The following PRKACB variants were observed in gnomAD, a reference collection of about 807,000 sequenced individuals.
PRKACB encodes protein kinase cAMP-activated catalytic subunit beta.
A neutral mutation model predicts 51.4 loss-of-function variants in PRKACB; 16 were observed. That is an observed-to-expected ratio of 0.31 (90% CI 0.21 to 0.47). PRKACB has a LOEUF of 0.47. PRKACB is among the 20% of genes least tolerant of loss of function. PRKACB has a pLI of 1.00. For synonymous variants in PRKACB, 147 were observed against 154.4 expected (o/e 0.95, Z 0.35); for missense variants, 309 against 464.5 (o/e 0.67, Z 3.08).
chr1:84,148,131 T>A (rs1294371975), intron 1 of PRKACB, among the ~76,000 whole-genome samples: 4 of 152,168 alleles, frequency 2.6e-5, no homozygotes, highest in Admixed American at 2.6e-4. Flanking sequence ...AGATAATGGA[T>A]TCCTTTTACA....
exon 1 of PRKACB, chr1:84,078,323 G>A (rs745766051): frequency 1.9e-6 from 3 of 1,611,350 alleles, no homozygotes; most frequent in Non-Finnish European, 1.7e-6. Flanking sequence ...CATCGCCCCA[G>A]ACATGGGGAA....
rs376705048 is a variant in PRKACB, at chr1:84,164,520, CAT to C, written c.188-14656_188-14655del. The C allele has an allele frequency of 5.9e-5, 88 of 1,479,178 alleles. No homozygotes were observed. In the African/African-American group the frequency reaches 1.0e-3, roughly 17 times the overall value. 91.6% of individuals were successfully genotyped at this position (1,479,178 alleles called of 1,614,324 possible). A position where few individuals can be genotyped will look rare whatever the true frequency, so the allele number is the denominator to read the frequency against. On this transcript the variant is annotated intron_variant, in intron 1 of 9. Transcript: ENST00000370685. Reference sequence around the variant, plus strand: ...TTTAAGAAATCTGGTAATTTATAATCATGTGGCTCTAAAATAAAAAGGTATTT... The same window carrying C: ...TTTAAGAAATCTGGTAATTTATAATCGTGGCTCTAAAATAAAAAGGTATTT...
chr1:84,185,324 C>T, intron 5 of PRKACB, 142 bp downstream of exon 5: 1 of 496,836 alleles, frequency 2.0e-6, no homozygotes, highest in East Asian at 3.6e-5. Flanking sequence ...ACAAAGAGGC[C>T]ACATCATACA....
intron 1 of PRKACB, among the ~76,000 whole-genome samples, chr1:84,105,701 G>C (rs1649686162): frequency 2.0e-5 from 3 of 151,960 alleles, no homozygotes; most frequent in African/African-American, 7.3e-5. Flanking sequence ...TCAGCCTCTT[G>C]AGTAGCTGGG....
At chr1:84,167,536 A>G (rs771217031) in intron 1 of PRKACB, among the ~76,000 whole-genome samples, 2 of 151,556 alleles carry the variant, frequency 1.3e-5, no homozygotes, top group Non-Finnish European at 3.0e-5. Context: ...ACAAACTACA[A>G]CAATTATTGT....
intron 5 of PRKACB, among the ~76,000 whole-genome samples, chr1:84,193,272 G>A (rs964249930): frequency 7.2e-5 from 11 of 152,084 alleles, no homozygotes; most frequent in East Asian, 1.9e-4. Context: ...CAGAAGCAGC[G>A]GGACTGAAAG....
chr1:84,181,736 T>C (rs1219263370), intron 2 of PRKACB: 5 of 1,500,822 alleles, frequency 3.3e-6, no homozygotes, highest in African/African-American at 1.4e-5. Context: ...CAGGTAACTT[T>C]AGTGAAAGAG....
chr1:84,164,388 C>G, intron 1 of PRKACB: 3 of 1,571,864 alleles, frequency 1.9e-6, no homozygotes, highest in South Asian at 1.2e-5. Context: ...AATCATTCTG[C>G]TGTTTGCTCC....
At chr1:84,226,966 G>T (rs1674713713) in intron 9 of PRKACB, among the ~76,000 whole-genome samples, 1 of 152,140 alleles carries the variant, frequency 6.6e-6, no homozygotes, top group Non-Finnish European at 1.5e-5. Context: ...ACATGTTAGT[G>T]TGATGAATTA....
intron 1 of PRKACB, among the ~76,000 whole-genome samples, chr1:84,100,748 C>G (rs1020687146): frequency 6.6e-5 from 10 of 152,160 alleles, no homozygotes; most frequent in African/African-American, 1.9e-4. Flanking sequence ...ATAGCTTTTT[C>G]TATGTGTCAG....
intron 1 of PRKACB, among the ~76,000 whole-genome samples, chr1:84,119,440 C>T (rs12724598): frequency 3.3e-5 from 5 of 151,926 alleles, no homozygotes; most frequent in Non-Finnish European, 5.9e-5. Flanking sequence ...CTGTTCATCA[C>T]CTATTTATAC....
At chr1:84,137,913 A>G (rs112371583) in intron 1 of PRKACB, among the ~76,000 whole-genome samples, 1 of 152,338 alleles carries the variant, frequency 6.6e-6, no homozygotes, top group African/African-American at 2.4e-5. Context: ...GGAAACCAGA[A>G]TGAACTCATG....
intron 8 of PRKACB, among the ~76,000 whole-genome samples, chr1:84,212,475 G>A (rs920015577): frequency 2.0e-5 from 3 of 147,640 alleles, no homozygotes; most frequent in Non-Finnish European, 1.5e-5. Context: ...TGTCAAGTAG[G>A]TTGAGCTTTT....
intron 1 of PRKACB, among the ~76,000 whole-genome samples, chr1:84,096,771 T>C (rs1648956344): frequency 6.6e-6 from 1 of 152,072 alleles, no homozygotes; most frequent in Non-Finnish European, 1.5e-5. Context: ...TGAATCATAG[T>C]ATAAAGTGTG....
intron 1 of PRKACB, among the ~76,000 whole-genome samples, chr1:84,116,522 T>A (rs912429460): frequency 6.6e-6 from 1 of 152,156 alleles, no homozygotes; most frequent in Non-Finnish European, 1.5e-5. Flanking sequence ...TTTATAGTTT[T>A]AAATGCAGAG....
rs933066794 is a variant in PRKACB at position 84,223,273 on chromosome 1, C to T, written c.1071+8956C>T. On this transcript the variant is annotated intron_variant, in intron 9 of 9. Transcript: ENST00000370685. ...AGAAGACCTGTCCTCAATTCTTCTC[C>T]CTGATATAGTCTATTGACAAAGCTC... Among the ~76,000 whole-genome samples the T allele has an allele frequency of 2.0e-5, 3 of 151,886 alleles. No individual in the cohort carries two copies. In the East Asian group the frequency reaches 5.8e-4, roughly 29 times the overall value.
intron 1 of PRKACB, among the ~76,000 whole-genome samples, chr1:84,081,575 A>G (rs1292868223): frequency 6.6e-6 from 1 of 152,030 alleles, no homozygotes; most frequent in African/African-American, 2.4e-5. Flanking sequence ...ACTTTTAGAA[A>G]TATGATAAAA....
chr1:84,164,331 C>T lies in PRKACB; in HGVS notation c.188-14846C>T. On this transcript the variant is annotated intron_variant, in intron 1 of 9. Coordinates refer to ENST00000370685, the MANE Select transcript of PRKACB (RefSeq NM_182948.4). Reference sequence around the variant, plus strand: ...CACAGCATTTTAATATCAGTGAGGTCCACAGCTAGCAGTAAGAGCTGGTGT... The same window carrying T: ...CACAGCATTTTAATATCAGTGAGGTTCACAGCTAGCAGTAAGAGCTGGTGT... 10 of 1,543,736 alleles carry T rather than the reference C, an allele frequency of 6.5e-6. No individual in the cohort carries two copies. In the South Asian group the frequency reaches 1.2e-4, roughly 18 times the overall value.
intron 2 of PRKACB, 38 bp from the exon 3 acceptor site, chr1:84,182,162 A>T: frequency 7.3e-7 from 1 of 1,374,974 alleles, no homozygotes; most frequent in Non-Finnish European, 9.8e-7. Flanking sequence ...TAGTGTTTTT[A>T]CGAGAATTTT....
Sources: allele counts gnomAD v4.1 joint callset (sites outside exome capture counted in the v4.1 genomes callset), GRCh38; gene constraint gnomAD v4.1.1; transcripts MANE v1.5; gene names NCBI Gene and HGNC (gene_info 2026-07-23, HGNC 2026-07-21).